The following ASTN2 variants were observed in gnomAD, a reference collection of about 807,000 sequenced individuals.
The protein encoded by ASTN2 is astrotactin-2.
Under a neutral mutation model 139.8 loss-of-function variants are expected in ASTN2, and 54 were observed. That is an observed-to-expected ratio of 0.39 (90% CI 0.31 to 0.48). The LOEUF is 0.48. Ranked by LOEUF, ASTN2 falls within the 20% of genes least tolerant of loss-of-function variation. The probability of loss-of-function intolerance (pLI) is 0.95; values close to 1 mark genes in which losing one functional copy is unlikely to be tolerated. For missense variants in ASTN2, 1,565 were observed against 1,725.1 expected (o/e 0.91, Z 1.64); for synonymous variants, 756 against 719.5 (o/e 1.05, Z -0.81).
At chr9:116,764,517 T>G (rs1451727729) in intron 13 of ASTN2, among the ~76,000 whole-genome samples, 1 of 152,194 alleles carries the variant, frequency 6.6e-6, no homozygotes, top group East Asian at 1.9e-4. Context: ...CTTGTTGAAC[T>G]CAGATTCTGT....
At chr9:116,764,939 G>C (rs1183446683) in intron 13 of ASTN2, among the ~76,000 whole-genome samples, 1 of 152,134 alleles carries the variant, frequency 6.6e-6, no homozygotes, top group African/African-American at 2.4e-5. Context: ...CCGTACCTTT[G>C]TATCTGCATG....
At chr9:117,113,959 A>G (rs574957262) in intron 4 of ASTN2, among the ~76,000 whole-genome samples, 6 of 152,318 alleles carry the variant, frequency 3.9e-5, no homozygotes, top group Non-Finnish European at 7.3e-5. Context: ...ATTGAATTGC[A>G]TACTCTAAAT....
chr9:116,610,403 G>C (rs1017840670), intron 19 of ASTN2, among the ~76,000 whole-genome samples: 3 of 152,124 alleles, frequency 2.0e-5, no homozygotes, highest in Admixed American at 6.6e-5. Context: ...TCCGGAGTTT[G>C]AGATCAGCCT....
At chr9:117,302,314 C>T (rs1204686312) in intron 1 of ASTN2, among the ~76,000 whole-genome samples, 1 of 152,050 alleles carries the variant, frequency 6.6e-6, no homozygotes, top group Non-Finnish European at 1.5e-5. Context: ...TCTATCCCAC[C>T]CATTTTACTA....
intron 19 of ASTN2, among the ~76,000 whole-genome samples, chr9:116,617,110 G>A: frequency 6.6e-6 from 1 of 152,126 alleles, no homozygotes; most frequent in Non-Finnish European, 1.5e-5. Flanking sequence ...ATTAATCCCA[G>A]GAAACCTATT....
chr9:116,433,484 C>G (rs1489938387), intron 22 of ASTN2, among the ~76,000 whole-genome samples: 2 of 152,106 alleles, frequency 1.3e-5, no homozygotes, highest in African/African-American at 4.8e-5. Context: ...AATGTAATCT[C>G]TGGGGTAGGG....
At chr9:116,531,536 C>T (rs1358422552) in intron 19 of ASTN2, among the ~76,000 whole-genome samples, 1 of 137,488 alleles carries the variant, frequency 7.3e-6, no homozygotes, top group Non-Finnish European at 1.6e-5. Context: ...CCACGACAGG[C>T]CCCGGTGTTT....
intron 10 of ASTN2, among the ~76,000 whole-genome samples, chr9:116,894,208 C>G (rs1406302648): frequency 6.6e-6 from 1 of 152,130 alleles, no homozygotes; most frequent in Non-Finnish European, 1.5e-5. Context: ...CCCCTGAACC[C>G]AGAGTTTAGT....
intron 1 of ASTN2, among the ~76,000 whole-genome samples, chr9:117,329,554 T>C (rs1369317387): frequency 6.6e-6 from 1 of 151,982 alleles, no homozygotes; most frequent in Non-Finnish European, 1.5e-5. Flanking sequence ...TGAATTAGGA[T>C]TGGGTTTTAG....
intron 5 of ASTN2, among the ~76,000 whole-genome samples, chr9:117,055,144 T>A (rs1240946894): frequency 6.6e-6 from 1 of 152,160 alleles, no homozygotes; most frequent in Non-Finnish European, 1.5e-5. Flanking sequence ...CTAGATGATA[T>A]CTCCAGTCCT....
chr9:117,122,518 C>T (rs1234271929), intron 4 of ASTN2, among the ~76,000 whole-genome samples: 11 of 152,122 alleles, frequency 7.2e-5, no homozygotes, highest in Admixed American at 6.6e-4. Flanking sequence ...TACAAGGATA[C>T]AAGCTAAAAA....
chr9:117,041,891 G>T (rs921650181), intron 5 of ASTN2, among the ~76,000 whole-genome samples: 1 of 152,060 alleles, frequency 6.6e-6, no homozygotes, highest in African/African-American at 2.4e-5. Flanking sequence ...CATATATAAA[G>T]ATTTCATATG....
intron 4 of ASTN2, among the ~76,000 whole-genome samples, chr9:117,137,617 C>T (rs533713312): frequency 6.6e-6 from 1 of 152,134 alleles, no homozygotes; most frequent in East Asian, 1.9e-4. Context: ...AGCAGCCTAG[C>T]TTTCTGTACT....
chr9:117,407,748 C>T (rs1309848174), intron 1 of ASTN2, among the ~76,000 whole-genome samples: 1 of 152,162 alleles, frequency 6.6e-6, no homozygotes, highest in African/African-American at 2.4e-5. Context: ...TAGAACAACT[C>T]TCATTGAGCA....
At chr9:117,209,813 C>A (rs1397233425) in intron 3 of ASTN2, among the ~76,000 whole-genome samples, 4 of 152,100 alleles carry the variant, frequency 2.6e-5, no homozygotes, top group Admixed American at 2.0e-4. Context: ...GAGCACAAAA[C>A]AAATCTCAGA....
chr9:116,463,453 A>G (rs1378106125), intron 20 of ASTN2, among the ~76,000 whole-genome samples: 1 of 152,122 alleles, frequency 6.6e-6, no homozygotes, highest in African/African-American at 2.4e-5. Context: ...AGCCTTCATT[A>G]TATGCTTCAG....
chr9:117,220,111 A>T (rs1432279785), intron 2 of ASTN2, among the ~76,000 whole-genome samples: 1 of 152,334 alleles, frequency 6.6e-6, no homozygotes, highest in Non-Finnish European at 1.5e-5. Context: ...CTGGCACCAC[A>T]AAAGTCAACA....
intron 5 of ASTN2, among the ~76,000 whole-genome samples, chr9:117,079,214 C>T (rs187898213): frequency 1.8e-3 from 278 of 152,166 alleles, no homozygotes; most frequent in Middle Eastern, 3.4e-3. Context: ...AAATTAGCCA[C>T]GTGTGGTGGT....
chr9:116,956,094 C>CTTTTT (rs71379245), intron 10 of ASTN2, among the ~76,000 whole-genome samples: 46 of 119,130 alleles, frequency 3.9e-4, no homozygotes, highest in African/African-American at 5.6e-4. Context: ...TTTTTCTTTT[C>CTTTTT]TTTTTTTTTT....
Sources: allele counts gnomAD v4.1 joint callset (sites outside exome capture counted in the v4.1 genomes callset), GRCh38; gene constraint gnomAD v4.1.1; transcripts MANE v1.5; gene names NCBI Gene and HGNC (gene_info 2026-07-23, HGNC 2026-07-21).